ZNF423: variants seen among roughly 807,000 people sequenced by gnomAD.
The protein encoded by ZNF423 is Ebf-associated zinc finger protein.
ZNF423 carries 12 observed loss-of-function variants against 95.8 expected under a neutral mutation model. That is an observed-to-expected ratio of 0.13 (90% CI 0.08 to 0.20). The LOEUF is 0.20. Among genes scored for constraint, ZNF423 ranks in the 10% least tolerant of loss-of-function variants. ZNF423 has a pLI of 1.00. For missense variants in ZNF423, 1,316 were observed against 1,737.1 expected, an observed-to-expected ratio of 0.76 and a Z score of 4.31; for synonymous variants, 749 against 711.9, an observed-to-expected ratio of 1.05 and a Z score of -0.83.
intron 5 of ZNF423, 98 bp downstream of exon 5, chr16:49,626,072 G>T: frequency 8.4e-7 from 1 of 1,187,444 alleles, no homozygotes; most frequent in Non-Finnish European, 1.3e-6. Flanking sequence ...CAGTGACTCT[G>T]TCCTTTGGCC....
intron 5 of ZNF423, among the ~76,000 whole-genome samples, chr16:49,583,034 C>A (rs1417026866): frequency 6.6e-6 from 1 of 152,236 alleles, no homozygotes; most frequent in Admixed American, 6.5e-5. Context: ...AAATTGGGCT[C>A]TGCCTTCCCC....
chr16:49,578,747 T>C (rs1970576389), intron 5 of ZNF423, among the ~76,000 whole-genome samples: 1 of 152,076 alleles, frequency 6.6e-6, no homozygotes, highest in African/African-American at 2.4e-5. Context: ...CCTCCCACAC[T>C]CCCGAAACCC....
At chr16:49,843,032 G>A (rs1368815869) in intron 1 of ZNF423, among the ~76,000 whole-genome samples, 2 of 151,726 alleles carry the variant, frequency 1.3e-5, no homozygotes, top group Non-Finnish European at 2.9e-5. Context: ...ATACGGGCAA[G>A]GATTAGGAGA....
At chr16:49,782,612 C>T (rs1333161754) in intron 2 of ZNF423, among the ~76,000 whole-genome samples, 1 of 152,180 alleles carries the variant, frequency 6.6e-6, no homozygotes, top group African/African-American at 2.4e-5. Context: ...CCTAACCTGC[C>T]CAGGCATTCA....
chr16:49,663,952 G>T, intron 3 of ZNF423: 1 of 543,852 alleles, frequency 1.8e-6, no homozygotes, highest in East Asian at 1.5e-4. Context: ...ATTCCACTCT[G>T]AGCAAACATT....
intron 3 of ZNF423, among the ~76,000 whole-genome samples, chr16:49,696,205 G>A (rs982138891): frequency 2.0e-5 from 3 of 152,182 alleles, no homozygotes; most frequent in African/African-American, 7.2e-5. Context: ...AATGACAAAG[G>A]TCTTCACGCC....
chr16:49,503,407 G>A (rs1967510175), intron 7 of ZNF423, among the ~76,000 whole-genome samples: 1 of 152,100 alleles, frequency 6.6e-6, no homozygotes, highest in Admixed American at 6.5e-5. Flanking sequence ...CAGCCCAGAT[G>A]GCCCTCCATG....
In ZNF423 at chr16:49,555,011, T is replaced by G. The variant is rs1969773744; in HGVS notation, c.3602-29517A>C. On this transcript the variant is annotated intron_variant, in intron 5 of 7. Coordinates refer to ENST00000563137, the MANE Select transcript of ZNF423 (RefSeq NM_001379286.1). ...TTAAGAGCTTGGTCAAGATGGAAAC[T>G]GGGATGTAGACAACTCACCAAGGAG... 3.3e-5 allele frequency among the ~76,000 whole-genome samples: 5 copies of G among 152,218 alleles called. No homozygotes were observed. In the South Asian group the frequency reaches 1.0e-3, roughly 32 times the overall value.
At chr16:49,757,493 C>T (rs1388643150) in intron 2 of ZNF423, among the ~76,000 whole-genome samples, 1 of 152,250 alleles carries the variant, frequency 6.6e-6, no homozygotes, top group Non-Finnish European at 1.5e-5. Context: ...GGAGCACCTG[C>T]ATGGTGAGGA....
At chr16:49,587,076 C>T (rs1315765551) in intron 5 of ZNF423, among the ~76,000 whole-genome samples, 1 of 152,108 alleles carries the variant, frequency 6.6e-6, no homozygotes. Flanking sequence ...AACTCGCTGT[C>T]ACAAAGAGAG....
At chr16:49,840,144 C>G (rs2035167697) in intron 1 of ZNF423, among the ~76,000 whole-genome samples, 2 of 152,094 alleles carry the variant, frequency 1.3e-5, no homozygotes, top group Admixed American at 1.3e-4. Flanking sequence ...AAACCGTGCC[C>G]CAGATAAGAG....
At chr16:49,580,009 G>A (rs1450610792) in intron 5 of ZNF423, among the ~76,000 whole-genome samples, 2 of 152,126 alleles carry the variant, frequency 1.3e-5, no homozygotes, top group Non-Finnish European at 2.9e-5. Context: ...CAGCAGCAGT[G>A]GCCACCCACG....
rs1967004078 is a variant in ZNF423, at chr16:49,492,364, C to A, written c.3850-1060G>T. On this transcript the variant is annotated intron_variant, in intron 7 of 7. Transcript: ENST00000563137. This position sits in a 1 kb window ranked among gnomAD's most constrained non-coding sequence, Gnocchi z 4.2. Reference sequence around the variant, plus strand: ...GCCCCCCAGGGCCCGGCGACTCCTGCAGCTGTGCCGCTGACCGCCAGGGGT... The same window carrying A: ...GCCCCCCAGGGCCCGGCGACTCCTGAAGCTGTGCCGCTGACCGCCAGGGGT... Among the ~76,000 whole-genome samples, 1 of 152,196 alleles carries A rather than the reference C, an allele frequency of 6.6e-6. No homozygotes were observed. Among genetic ancestry groups the A allele is most frequent in the South Asian group, 2.1e-4 (1 of 4,832 alleles).
At chr16:49,634,938 C>T (rs1448384970) in intron 4 of ZNF423, among the ~76,000 whole-genome samples, 1 of 152,246 alleles carries the variant, frequency 6.6e-6, no homozygotes, top group African/African-American at 2.4e-5. Flanking sequence ...ATTTCTGGTT[C>T]TCCTTGGCTC....
At chr16:49,717,198 C>T (rs1169962289) in intron 3 of ZNF423, among the ~76,000 whole-genome samples, 1 of 152,116 alleles carries the variant, frequency 6.6e-6, no homozygotes, top group Non-Finnish European at 1.5e-5. Flanking sequence ...AAGGGGTGGA[C>T]AGGTCTCATC....
intron 3 of ZNF423, among the ~76,000 whole-genome samples, chr16:49,661,713 C>T (rs1204734844): frequency 6.6e-6 from 1 of 152,194 alleles, no homozygotes; most frequent in Non-Finnish European, 1.5e-5. Flanking sequence ...TGCTGCAATT[C>T]CTGGGGCAGT....
intron 3 of ZNF423, among the ~76,000 whole-genome samples, chr16:49,726,023 A>G (rs1301020180): frequency 6.6e-6 from 1 of 152,196 alleles, no homozygotes; most frequent in Admixed American, 6.5e-5. Flanking sequence ...AAAGCCATAT[A>G]TCAGGCCAGC....
chr16:49,674,368 G>A (rs1364622028), intron 3 of ZNF423, among the ~76,000 whole-genome samples: 2 of 152,190 alleles, frequency 1.3e-5, no homozygotes, highest in East Asian at 3.8e-4. Flanking sequence ...GTTCTCGGCT[G>A]GGGAGCAGTC....
At chr16:49,750,441 G>A (rs2033613287) in intron 2 of ZNF423, among the ~76,000 whole-genome samples, 1 of 152,192 alleles carries the variant, frequency 6.6e-6, no homozygotes, top group African/African-American at 2.4e-5. Context: ...CCTCTGGGAG[G>A]TACCTTCCTC....
Sources: gnomAD v4.1 joint callset for allele counts (sites outside exome capture counted in the v4.1 genomes callset) on GRCh38, gnomAD v4.1.1 for gene constraint, Gnocchi (gnomAD v3.1) non-coding constraint, MANE v1.5 for transcripts, NCBI Gene and HGNC (gene_info 2026-07-23, HGNC 2026-07-21) for gene names.